RAD51D: variants seen among roughly 807,000 people sequenced by gnomAD.
RAD51D encodes the protein RAD51 paralog D.
RAD51D carries 38 observed loss-of-function variants against 44.1 expected under a neutral mutation model. That is an observed-to-expected ratio of 0.86 (90% CI 0.67 to 1.13). RAD51D has a LOEUF of 1.13. RAD51D is among the 50% of genes most tolerant of loss of function. RAD51D has a pLI of 0.00. For missense variants in RAD51D, 390 were observed against 414.0 expected, an observed-to-expected ratio of 0.94 and a Z score of 0.50; for synonymous variants, 141 against 166.6, an observed-to-expected ratio of 0.85 and a Z score of 1.18.
At chr17:35,116,781 A>G in intron 3 of RAD51D, 1 of 1,168,024 alleles carries the variant, frequency 8.6e-7, no homozygotes, top group East Asian at 2.6e-5. Context: ...GGCGTGAGCC[A>G]CTGCGCCCGG....
chr17:35,094,586 G>A lies in RAD51D; in HGVS notation c.*6367C>T. ...GGTGAGCTAAGCTGAAAAGAGGTTG[G>A]GATGTGCAGCCCCTGCTGCTATCAG... is the stretch of plus-strand genomic sequence containing the variant. On this transcript the variant is annotated 3_prime_UTR_variant, in exon 10 of 10. Transcript: ENST00000345365. The A allele has an allele frequency of 1.3e-5, 2 of 152,346 alleles. 1 individual carries two copies. 9.4% of individuals were successfully genotyped at this position (152,346 alleles called of 1,614,324 possible).
At position 35,116,332 on chromosome 17, in the gene RAD51D, G is replaced by A. The variant is rs558173601; in HGVS notation, c.263+2169C>T. 1.6e-4 allele frequency among the ~76,000 whole-genome samples: 25 copies of A among 152,274 alleles called. No homozygotes were observed. The East Asian group carries it at 2.5e-3, about 15-fold the overall frequency. ...GCCTCCCGCCTCCAGGGAGACAGCC[G>A]GGCAGATGAGTTAAGAGCCGCGTTC... On this transcript the variant is annotated intron_variant, in intron 3 of 9. Transcript: ENST00000345365.
chr17:35,100,672 A>C lies in RAD51D; in HGVS notation c.*281T>G, dbSNP rs1360177677. ...TGCCTCATCAGAGATGCTCCCAGCC[A>C]GGGTGAACTTGGTTTCCACCAGAAA... On this transcript the variant is annotated 3_prime_UTR_variant, in exon 10 of 10. Coordinates refer to ENST00000345365, the MANE Select transcript of RAD51D (RefSeq NM_002878.4). 3 of 586,672 alleles carry C rather than the reference A, an allele frequency of 5.1e-6. No homozygotes were observed. Among genetic ancestry groups the C allele is most frequent in the South Asian group, 1.6e-5 (1 of 60,978 alleles). The allele number at this position is 586,672 out of a possible 1,614,324, so 36.3% of individuals were successfully genotyped here.
At position 35,119,610 on chromosome 17, in the gene RAD51D, C is replaced by T. The variant is rs372082751; in HGVS notation, c.4G>A (p.Gly2Ser). The T allele has an allele frequency of 1.2e-6, 2 of 1,611,252 alleles. No individual in the cohort carries two copies. Among genetic ancestry groups the T allele is most frequent in the African/African-American group, 2.7e-5 (2 of 75,042 alleles). Reference protein sequence around the residue: MGVLRVGLCPGL... With the variant: MSVLRVGLCPGL... ...GGGCACAGTCCGACCCTGAGCACGC[C>T]CATGTTCCCCGCAGGCCGGAACAGC... The change falls in exon 1 of 10, where the codon GGC becomes AGC. Residue 2 changes from glycine (G) to serine (S), a missense_variant. Gly to Ser is a moderately conservative substitution (Grantham distance 56, BLOSUM62 0). Coordinates refer to ENST00000345365, the MANE Select transcript of RAD51D (RefSeq NM_002878.4).
In RAD51D at chr17:35,092,973, T is replaced by C. The variant is rs909434731; in HGVS notation, c.*7980A>G. On this transcript the variant is annotated 3_prime_UTR_variant, in exon 10 of 10. Transcript: ENST00000345365. Reference sequence around the variant, plus strand: ...AAAATATGGGATGCTTGTTTAAAAATTAAGAACTTCAAGATGGCAACAGCA... The same window carrying C: ...AAAATATGGGATGCTTGTTTAAAAACTAAGAACTTCAAGATGGCAACAGCA... 4.6e-5 allele frequency: 7 copies of C among 152,152 alleles called. No homozygotes were observed. The highest frequency in any genetic ancestry group is 1.4e-4 in the African/African-American group (6 of 41,402). 9.4% of individuals were successfully genotyped at this position (152,152 alleles called of 1,614,324 possible).
Position 35,097,463 on chromosome 17 carries a change from A to ATGTGTGTG in RAD51D, c.*3489_*3490insCACACACA, listed in dbSNP as rs1567722969. 6.7e-6 allele frequency: 1 copy of ATGTGTGTG among 148,848 alleles called. No homozygotes were observed. The highest frequency in any genetic ancestry group is 2.5e-5 in the African/African-American group (1 of 40,248). The allele number at this position is 148,848 out of a possible 1,614,324, so 9.2% of individuals were successfully genotyped here. On this transcript the variant is annotated 3_prime_UTR_variant, in exon 10 of 10. Transcript: ENST00000345365. ...TGTATATATATGTGTGTATATATAT[A>ATGTGTGTG]TATGTGTGTATATATATGTATATAT...
rs557030806 is a variant in RAD51D at position 35,094,914 on chromosome 17, T to A, written c.*6039A>T. 11 of 152,344 alleles carry A rather than the reference T, an allele frequency of 7.2e-5. No homozygotes were observed. Among genetic ancestry groups the A allele is most frequent in the African/African-American group, 2.4e-4 (10 of 41,562 alleles). The allele number at this position is 152,344 out of a possible 1,614,324, so 9.4% of individuals were successfully genotyped here. ...ACTACCGTAAGTACTAGTGAGAGGC[T>A]GCCCACCCAGCATCCAGTTCATCCA... On this transcript the variant is annotated 3_prime_UTR_variant, in exon 10 of 10. Coordinates refer to ENST00000345365, the MANE Select transcript of RAD51D (RefSeq NM_002878.4).
At position 35,118,636 on chromosome 17, in the gene RAD51D, G is replaced by T. The variant is rs754131532; in HGVS notation, c.145-17C>A. 6.2e-7 allele frequency: 1 copy of T among 1,601,236 alleles called. No homozygotes were observed. On this transcript the variant is annotated splice_polypyrimidine_tract_variant and intron_variant, in intron 2 of 9. Coordinates refer to ENST00000345365, the MANE Select transcript of RAD51D (RefSeq NM_002878.4). ...AACCAGGGCCTGCCAAAGGGCCCCAGACTGCTCAGCAACAAATTGCCCGTA... is the reference window on the plus strand; with the variant it reads ...AACCAGGGCCTGCCAAAGGGCCCCATACTGCTCAGCAACAAATTGCCCGTA...
chr17:35,109,388 C>T (rs953566960), intron 3 of RAD51D, among the ~76,000 whole-genome samples: 2 of 152,148 alleles, frequency 1.3e-5, no homozygotes, highest in Non-Finnish European at 2.9e-5. Context: ...TTTGTATAAA[C>T]CCAAGTTTTT....
intron 3 of RAD51D, among the ~76,000 whole-genome samples, chr17:35,115,832 T>C (rs991384517): frequency 4.8e-5 from 7 of 146,384 alleles, no homozygotes; most frequent in Non-Finnish European, 1.0e-4. Context: ...ATCACGCCAC[T>C]GCACTCCAGC....
intron 8 of RAD51D, 57 bp from the exon 9 acceptor site, chr17:35,101,422 T>C (rs565899545): frequency 6.4e-7 from 1 of 1,560,032 alleles, no homozygotes; most frequent in East Asian, 2.2e-5. Flanking sequence ...CATCGATTAC[T>C]ACCGCTTCAT....
intron 3 of RAD51D, among the ~76,000 whole-genome samples, chr17:35,108,838 G>A (rs2091641635): frequency 6.6e-6 from 1 of 150,402 alleles, no homozygotes; most frequent in African/African-American, 2.4e-5. Flanking sequence ...TATACACTGT[G>A]TAACCTTTGT....
At chr17:35,105,587 G>T (rs2091591621) in intron 6 of RAD51D, among the ~76,000 whole-genome samples, 2 of 152,156 alleles carry the variant, frequency 1.3e-5, no homozygotes, top group Admixed American at 1.3e-4. Context: ...TATCTTTAAG[G>T]TATCCTCCAC....
At chr17:35,107,529 T>C (rs182096128) in intron 3 of RAD51D, 82 bp from the exon 4 acceptor site, 62 of 1,146,598 alleles carry the variant, frequency 5.4e-5, no homozygotes, top group Non-Finnish European at 7.4e-5. Context: ...AAGTAAGACA[T>C]TTCTTTCAAG....
At position 35,100,570 on chromosome 17, in the gene RAD51D, C is replaced by T. The variant is rs1197755972; in HGVS notation, c.*383G>A. ...GCAGCAAAGGCAAGTTAGAGGCTTT[C>T]CCGGCTTGGCCACTGCGCTAGGAGG... On this transcript the variant is annotated 3_prime_UTR_variant, in exon 10 of 10. Transcript: ENST00000345365. The T allele has an allele frequency of 1.8e-6, 1 of 548,380 alleles. No homozygotes were observed. Among genetic ancestry groups the T allele is most frequent in the Non-Finnish European group, 3.5e-6 (1 of 286,684 alleles). The allele number at this position is 548,380 out of a possible 1,614,324, so 34.0% of individuals were successfully genotyped here.
chr17:35,119,229 G>T, intron 1 of RAD51D, 57 bp from the exon 2 acceptor site: 1 of 1,488,766 alleles, frequency 6.7e-7, no homozygotes. Flanking sequence ...TCCCACACTT[G>T]GTTTTTCCTC....
chr17:35,118,533 G>A lies in RAD51D; in HGVS notation c.231C>T (p.Thr77=). 1 of 1,614,182 alleles carries A rather than the reference G, an allele frequency of 6.2e-7. No individual in the cohort carries two copies. Among genetic ancestry groups the A allele is most frequent in the Non-Finnish European group, 8.5e-7 (1 of 1,180,032 alleles). Residue 77 remains threonine, a synonymous_variant, in exon 3 of 10, where the codon ACC becomes ACT. Coordinates refer to ENST00000345365, the MANE Select transcript of RAD51D (RefSeq NM_002878.4). ...TGCCAGTGGACAGGATGGCAGTGGA[G>A]GTCTTCAGTTCCTCGTAGAGATCAG... ...NGADLYEELK[T]STAILSTGIG...
Position 35,103,616 on chromosome 17 carries a change from T to C in RAD51D, c.577-72A>G, listed in dbSNP as rs2091566355. 1 of 1,236,408 alleles carries C rather than the reference T, an allele frequency of 8.1e-7. No homozygotes were observed. Among genetic ancestry groups the C allele is most frequent in the African/African-American group, 1.5e-5 (1 of 67,156 alleles). The allele number at this position is 1,236,408 out of a possible 1,614,324, so 76.6% of individuals were successfully genotyped here. A position where few individuals can be genotyped will look rare whatever the true frequency, so the allele number is the denominator to read the frequency against. On this transcript the variant is annotated intron_variant, in intron 6 of 9. Transcript: ENST00000345365. The surrounding 1 kb of genome is among the most constrained non-coding windows in gnomAD (Gnocchi z 4.1). Reference sequence around the variant, plus strand: ...ACACATTACAGGACAAGCTTGCTTTTCTATCTAAAACTAGTAAGAAATAGC... The same window carrying C: ...ACACATTACAGGACAAGCTTGCTTTCCTATCTAAAACTAGTAAGAAATAGC...
In RAD51D at chr17:35,118,492, C is replaced by T. The variant is rs887322398; in HGVS notation, c.263+9G>A. On this transcript the variant is annotated intron_variant, in intron 3 of 9. Transcript: ENST00000345365. ...CCTCTCTCCTTCTTCCCCAAGTACA[C>T]ACACAAACCTGCCAATGCCAGTGGA... The T allele has an allele frequency of 6.2e-7, 1 of 1,610,920 alleles. No homozygotes were observed. The highest frequency in any genetic ancestry group is 8.5e-7 in the Non-Finnish European group (1 of 1,177,172).
Sources: gnomAD v4.1 joint callset for allele counts (sites outside exome capture counted in the v4.1 genomes callset) on GRCh38, gnomAD v4.1.1 for gene constraint, Gnocchi (gnomAD v3.1) non-coding constraint, MANE v1.5 for transcripts, NCBI Gene and HGNC (gene_info 2026-07-23, HGNC 2026-07-21) for gene names.